The following ZC3H12B variants were observed in gnomAD, a reference collection of about 807,000 sequenced individuals.
ZC3H12B encodes probable ribonuclease ZC3H12B.
A neutral mutation model predicts 43.9 loss-of-function variants in ZC3H12B; 7 were observed. That is an observed-to-expected ratio of 0.16 (90% CI 0.09 to 0.30). ZC3H12B has a LOEUF of 0.30. Among genes scored for constraint, ZC3H12B ranks in the 10% least tolerant of loss-of-function variants. The probability of loss-of-function intolerance (pLI) is 1.00; values close to 1 mark genes in which losing one functional copy is unlikely to be tolerated. For synonymous variants in ZC3H12B, 222 were observed against 241.7 expected (o/e 0.92, Z 0.76); for missense variants, 475 against 670.2 (o/e 0.71, Z 3.22).
At chrX:65,153,553 T>C in the ZC3H12B span, among the ~76,000 whole-genome samples, 4 of 112,032 alleles carry the variant, frequency 3.6e-5, no homozygotes, top group African/African-American at 1.3e-4. Context: ...CCATTTAGAA[T>C]GGCAATTATT....
At chrX:65,323,102 T>C in the ZC3H12B span, among the ~76,000 whole-genome samples, 2 of 112,069 alleles carry the variant, frequency 1.8e-5, no homozygotes, top group African/African-American at 6.5e-5. Context: ...ACAGCAACTA[T>C]TTAACTTCTT....
At chrX:65,181,961 A>G in the ZC3H12B span, among the ~76,000 whole-genome samples, 2 of 111,848 alleles carry the variant, frequency 1.8e-5, no homozygotes, top group South Asian at 7.5e-4. Flanking sequence ...ACGTATGTCT[A>G]TTGCAGCACT....
chrX:65,401,615 G>C (rs1233443968), intron 3 of ZC3H12B, among the ~76,000 whole-genome samples: 1 of 111,972 alleles, frequency 8.9e-6, no homozygotes, highest in African/African-American at 3.2e-5. Context: ...AGTTAAGGGA[G>C]ATCTGAAATC....
the ZC3H12B span, among the ~76,000 whole-genome samples, chrX:65,119,347 T>A: frequency 2.7e-5 from 3 of 111,929 alleles, no homozygotes; most frequent in African/African-American, 9.8e-5. Context: ...CCATTCTAAC[T>A]GTTGTGAGAT....
the ZC3H12B span, among the ~76,000 whole-genome samples, chrX:65,321,435 C>T: frequency 8.9e-6 from 1 of 111,829 alleles, no homozygotes; most frequent in African/African-American, 3.2e-5. Context: ...AAAAGGAATG[C>T]TTGTACACTG....
intron 2 of ZC3H12B, among the ~76,000 whole-genome samples, chrX:65,389,469 G>T (rs185904297): frequency 8.0e-5 from 9 of 112,615 alleles, no homozygotes; most frequent in African/African-American, 2.3e-4. Flanking sequence ...TGTACCATTT[G>T]CTAAGACCAT....
the ZC3H12B span, among the ~76,000 whole-genome samples, chrX:65,165,910 C>T: frequency 8.9e-6 from 1 of 112,199 alleles, no homozygotes; most frequent in Non-Finnish European, 1.9e-5. Context: ...ACACTTTCAC[C>T]AACATTGTAA....
the ZC3H12B span, among the ~76,000 whole-genome samples, chrX:65,246,269 A>G: frequency 8.0e-4 from 90 of 112,058 alleles, 1 homozygote; most frequent in Non-Finnish European, 1.6e-3. Context: ...CATGGCACAA[A>G]AAAATAGAAA....
chrX:65,407,790 C>G (rs1230723781), intron 3 of ZC3H12B, among the ~76,000 whole-genome samples: 1 of 113,441 alleles, frequency 8.8e-6, no homozygotes, highest in Non-Finnish European at 1.9e-5. Context: ...ACTGCCCCCG[C>G]GCACAGTCCC....
At chrX:65,121,977 T>G in the ZC3H12B span, among the ~76,000 whole-genome samples, 2 of 111,889 alleles carry the variant, frequency 1.8e-5, no homozygotes, top group African/African-American at 6.5e-5. Context: ...TTCTTAATCC[T>G]GAGTTCTAGT....
the ZC3H12B span, among the ~76,000 whole-genome samples, chrX:65,360,610 G>C: frequency 0.12 from 13,453 of 111,726 alleles, 1,911 homozygotes; most frequent in African/African-American, 0.41. Flanking sequence ...AATATAAATT[G>C]ATACAACTAC....
chrX:65,070,700 G>A, the ZC3H12B span, among the ~76,000 whole-genome samples: 1 of 110,059 alleles, frequency 9.1e-6, no homozygotes, highest in Non-Finnish European at 1.9e-5. Flanking sequence ...ACCCAAGAGT[G>A]GTTCAGGAGC....
intron 2 of ZC3H12B, among the ~76,000 whole-genome samples, chrX:65,389,112 C>T (rs1029203943): frequency 8.9e-5 from 10 of 112,119 alleles, no homozygotes; most frequent in African/African-American, 3.2e-4. Flanking sequence ...GCAGTCTGTC[C>T]GTTCTCGGAT....
chrX:65,316,959 G>A, the ZC3H12B span, among the ~76,000 whole-genome samples: 9,231 of 111,140 alleles, frequency 0.083, 1,031 homozygotes, highest in African/African-American at 0.29. Flanking sequence ...AAAATCTACA[G>A]AGCAAATGGA....
chrX:65,159,175 G>A, the ZC3H12B span, among the ~76,000 whole-genome samples: 1 of 111,946 alleles, frequency 8.9e-6, no homozygotes, highest in Non-Finnish European at 1.9e-5. Context: ...GGTTACTGTA[G>A]CCTCGTAGTA....
chrX:65,155,761 G>C, the ZC3H12B span, among the ~76,000 whole-genome samples: 1 of 110,739 alleles, frequency 9.0e-6, no homozygotes, highest in Non-Finnish European at 1.9e-5. Flanking sequence ...TTGGGAGGTT[G>C]ATGTGGGAAG....
the ZC3H12B span, among the ~76,000 whole-genome samples, chrX:65,313,789 C>A: frequency 4.5e-5 from 5 of 111,269 alleles, no homozygotes; most frequent in Non-Finnish European, 9.4e-5. Context: ...TAGAAAGAAC[C>A]AGTAAAATTT....
the ZC3H12B span, among the ~76,000 whole-genome samples, chrX:65,211,972 T>G: frequency 1.4e-5 from 1 of 70,543 alleles, no homozygotes; most frequent in African/African-American, 6.0e-5. Context: ...ATATGTTATG[T>G]ATACTATATA....
chrX:65,354,278 T>A, the ZC3H12B span, among the ~76,000 whole-genome samples: 1 of 112,014 alleles, frequency 8.9e-6, no homozygotes, highest in South Asian at 3.7e-4. Context: ...GGCAGCAATC[T>A]TTGCTGTTCT....
Sources: allele counts gnomAD v4.1 joint callset (sites outside exome capture counted in the v4.1 genomes callset), GRCh38; gene constraint gnomAD v4.1.1; transcripts MANE v1.5; gene names NCBI Gene and HGNC (gene_info 2026-07-23, HGNC 2026-07-21).